The following CDHR3 variants were observed in gnomAD, a reference collection of about 807,000 sequenced individuals.
The protein encoded by CDHR3 is cadherin related family member 3.
A neutral mutation model predicts 86.6 loss-of-function variants in CDHR3; 79 were observed. The observed-to-expected ratio is 0.91, with a 90% CI of 0.76 to 1.10. The LOEUF (loss-of-function observed/expected upper bound fraction) is 1.10, where lower values mean the gene tolerates loss of function less well. CDHR3 is among the 50% of genes least tolerant of loss of function. CDHR3 has a pLI of 0.00. For synonymous variants in CDHR3, 421 were observed against 402.4 expected, an observed-to-expected ratio of 1.05 and a Z score of -0.55; for missense variants, 1,081 against 1,077.6, an observed-to-expected ratio of 1.00 and a Z score of -0.04.
At chr7:105,979,685 C>G (rs1444055177) in intron 2 of CDHR3, among the ~76,000 whole-genome samples, 1 of 152,180 alleles carries the variant, frequency 6.6e-6, no homozygotes, top group Non-Finnish European at 1.5e-5. Flanking sequence ...TTTCCCAAGG[C>G]CACCCAGAAG....
At chr7:106,001,705 G>A in intron 7 of CDHR3, 95 bp downstream of exon 7, 1 of 1,500,892 alleles carries the variant, frequency 6.7e-7, no homozygotes. Context: ...ATGAGAATTG[G>A]TTCTAGGATG....
At chr7:105,998,494 A>T (rs1251529455) in intron 6 of CDHR3, among the ~76,000 whole-genome samples, 2 of 152,244 alleles carry the variant, frequency 1.3e-5, no homozygotes, top group Non-Finnish European at 2.9e-5. Flanking sequence ...ACATTTTATT[A>T]TAAAAGCACC....
chr7:105,981,094 G>A lies in CDHR3; in HGVS notation c.376G>A (p.Val126Met), dbSNP rs1829663485. The A allele has an allele frequency of 2.5e-6, 4 of 1,613,590 alleles. No individual in the cohort carries two copies. The highest frequency in any genetic ancestry group is 1.7e-5 in the Admixed American group (1 of 59,970). ...AGTCCTGACTGTCCAGGTAACAGAT[G>A]TGAACGAGCCACCTCAGTTTCAAGG... ...LQVLTVQVTDVNEPPQFQGNL... is the reference protein window; with the variant it reads ...LQVLTVQVTDMNEPPQFQGNL... The change falls in exon 3 of 19, where the codon GTG becomes ATG. Residue 126 changes from valine to methionine, a missense_variant. Coordinates refer to ENST00000317716, the MANE Select transcript of CDHR3 (RefSeq NM_152750.5).
rs373691451 is a variant in CDHR3 at position 106,004,618 on chromosome 7, G to A, written c.983G>A (p.Arg328His). 26 of 1,613,994 alleles carry A rather than the reference G, an allele frequency of 1.6e-5. No individual in the cohort carries two copies. The East Asian group carries it at 2.0e-4, about 12-fold the overall frequency. ...AGACCATATGGGGGTCAGGAGAATC[G>A]CATCCAGATAACCTTCATTGTGGAA... ...KDRPYGGQEN[R>H]IQITFIVEDV... Residue 328 changes from arginine to histidine, a missense_variant, in exon 8 of 19, where the codon CGC becomes CAC. Coordinates refer to ENST00000317716, the MANE Select transcript of CDHR3 (RefSeq NM_152750.5).
chr7:106,025,897 A>T (rs1837281598), intron 15 of CDHR3, among the ~76,000 whole-genome samples: 1 of 152,166 alleles, frequency 6.6e-6, no homozygotes, highest in Non-Finnish European at 1.5e-5. Context: ...GCTCTAAAAG[A>T]GTAATTGCTT....
Position 105,963,356 on chromosome 7 carries a change from C to A in CDHR3, c.38C>A (p.Ala13Asp), listed in dbSNP as rs1167091305. Residue 13 changes from alanine to aspartate, a missense_variant, in exon 1 of 19, where the codon GCC becomes GAC. Transcript: ENST00000317716. Reference protein sequence around the residue: ...EAIILLALLGAMSGGEALHLI... With the variant: ...EAIILLALLGDMSGGEALHLI... Reference sequence around the variant, plus strand: ...ATCATTCTCCTGGCTCTCCTGGGTGCCATGTCAGGTAGGAACTCAATTTTG... The same window carrying A: ...ATCATTCTCCTGGCTCTCCTGGGTGACATGTCAGGTAGGAACTCAATTTTG... The A allele has an allele frequency of 6.2e-7, 1 of 1,613,866 alleles. No individual in the cohort carries two copies. The highest frequency in any genetic ancestry group is 8.5e-7 in the Non-Finnish European group (1 of 1,179,852).
chr7:106,015,332 G>A (rs565279579), intron 10 of CDHR3, 119 bp downstream of exon 10: 44 of 780,544 alleles, frequency 5.6e-5, no homozygotes, highest in South Asian at 7.8e-5. Flanking sequence ...GCCCTCATGC[G>A]GGGACCCCCT....
chr7:106,003,645 G>A (rs79280209), intron 7 of CDHR3, among the ~76,000 whole-genome samples: 2,893 of 152,146 alleles, frequency 0.019, 95 homozygotes, highest in African/African-American at 0.065. Flanking sequence ...AACCACTACC[G>A]GACTGTCCCA....
chr7:105,977,985 C>T (rs1829086528), intron 2 of CDHR3, among the ~76,000 whole-genome samples: 2 of 152,154 alleles, frequency 1.3e-5, no homozygotes, highest in Non-Finnish European at 2.9e-5. Context: ...TTTGTGAATG[C>T]ATTTATTTAA....
chr7:105,993,822 G>A (rs976350342), intron 4 of CDHR3, among the ~76,000 whole-genome samples: 2 of 152,122 alleles, frequency 1.3e-5, no homozygotes, highest in African/African-American at 2.4e-5. Flanking sequence ...TGGGTGGCAC[G>A]GGCATGGTCT....
rs1007805386 is a variant in CDHR3, at chr7:105,969,007, G to A, written c.46+5643G>A. Reference sequence around the variant, plus strand: ...GGAGGCTGAGGCAGGAGAATGGCATGTACCCGGGAGGCGGAGCTTGCAGTG... The same window carrying A: ...GGAGGCTGAGGCAGGAGAATGGCATATACCCGGGAGGCGGAGCTTGCAGTG... On this transcript the variant is annotated intron_variant, in intron 1 of 18. Coordinates refer to ENST00000317716, the MANE Select transcript of CDHR3 (RefSeq NM_152750.5). Among the ~76,000 whole-genome samples the A allele has an allele frequency of 4.2e-4, 64 of 152,054 alleles. 1 individual carries two copies. Among genetic ancestry groups the A allele is most frequent in the Admixed American group, 3.5e-3 (53 of 15,270 alleles).
At chr7:105,990,194 G>A (rs1831144386) in intron 4 of CDHR3, among the ~76,000 whole-genome samples, 1 of 152,164 alleles carries the variant, frequency 6.6e-6, no homozygotes, top group Middle Eastern at 3.2e-3. Flanking sequence ...GAGGGCATAG[G>A]ATCTGCAGCT....
chr7:105,992,828 A>G (rs560400388), intron 4 of CDHR3, among the ~76,000 whole-genome samples: 2 of 152,374 alleles, frequency 1.3e-5, no homozygotes, highest in Admixed American at 6.5e-5. Flanking sequence ...AATAGGTGGC[A>G]TATTTCATTT....
intron 3 of CDHR3, among the ~76,000 whole-genome samples, chr7:105,983,275 C>G (rs1032783334): frequency 3.3e-5 from 5 of 152,078 alleles, no homozygotes; most frequent in African/African-American, 9.7e-5. Context: ...TTGAACGAAG[C>G]ATGAGAGTGA....
intron 13 of CDHR3, among the ~76,000 whole-genome samples, chr7:106,021,422 G>T (rs1836549608): frequency 2.0e-5 from 3 of 152,340 alleles, no homozygotes; most frequent in Admixed American, 2.0e-4. Flanking sequence ...AATCCATACT[G>T]AGAGCCCTAA....
intron 10 of CDHR3, 126 bp downstream of exon 10, chr7:106,015,339 C>G: frequency 1.4e-6 from 1 of 711,008 alleles, no homozygotes; most frequent in Non-Finnish European, 2.3e-6. Context: ...TGCGGGGACC[C>G]CCTCTTTCTC....
At chr7:106,003,989 C>CAAAAAAAAAAAAAAA (rs55815648) in intron 7 of CDHR3, among the ~76,000 whole-genome samples, 112 of 79,922 alleles carry the variant, frequency 1.4e-3, no homozygotes, top group South Asian at 4.1e-3. Context: ...CCAACCTAAC[C>CAAAAAAAAAAAAAAA]AAAAAAAAAA....
At chr7:105,969,497 A>G (rs1827592895) in intron 1 of CDHR3, among the ~76,000 whole-genome samples, 1 of 152,088 alleles carries the variant, frequency 6.6e-6, no homozygotes, top group Non-Finnish European at 1.5e-5. Flanking sequence ...TATTGATAAC[A>G]GTGGGATTGA....
chr7:105,975,176 G>A, intron 2 of CDHR3, 130 bp downstream of exon 2: 1 of 831,398 alleles, frequency 1.2e-6, no homozygotes, highest in Non-Finnish European at 2.0e-6. Context: ...AGGTCCAGGA[G>A]TCCTGTCTGA....
Sources: gnomAD v4.1 joint callset for allele counts (sites outside exome capture counted in the v4.1 genomes callset) on GRCh38, gnomAD v4.1.1 for gene constraint, MANE v1.5 for transcripts, NCBI Gene and HGNC (gene_info 2026-07-23, HGNC 2026-07-21) for gene names.